The following SEC14L4 variants were observed in gnomAD, a reference collection of about 807,000 sequenced individuals.
SEC14L4 encodes the protein SEC14 like lipid binding 4, also known as SEC14-like protein 4.
A neutral mutation model predicts 55.1 loss-of-function variants in SEC14L4; 42 were observed. The ratio of observed to expected loss-of-function variants is 0.76; its 90% CI spans 0.60 to 0.99. The LOEUF (loss-of-function observed/expected upper bound fraction) is 0.99. Among genes scored for constraint, SEC14L4 ranks in the 50% least tolerant of loss-of-function variants. The pLI is 0.00. For missense variants in SEC14L4, 445 were observed against 512.1 expected, an observed-to-expected ratio of 0.87 and a Z score of 1.27; for synonymous variants, 206 against 206.8, an observed-to-expected ratio of 1.00 and a Z score of 0.03.
At chr22:30,505,518 G>T in intron 1 of SEC14L4, 40 bp downstream of exon 1, 1 of 1,545,540 alleles carries the variant, frequency 6.5e-7, no homozygotes, top group Non-Finnish European at 8.7e-7. Flanking sequence ...AGGCTGCTCA[G>T]GGCCCCTCCT....
chr22:30,499,738 CA>C (rs1164032064), intron 2 of SEC14L4, among the ~76,000 whole-genome samples: 1 of 151,536 alleles, frequency 6.6e-6, no homozygotes, highest in African/African-American at 2.4e-5. Context: ...GATTCTGTCT[CA>C]AAAAAATGAT....
At position 30,491,576 on chromosome 22, in the gene SEC14L4, C is replaced by G; in HGVS notation, c.1078G>C (p.Val360Leu). The change falls in exon 11 of 12, where the codon GTC (valine) becomes CTC (leucine). Residue 360 changes from valine to leucine, a missense_variant. Transcript: ENST00000255858. ...DGSLTCLQAGVYVLRFDNTYS... is the reference protein window; with the variant it reads ...DGSLTCLQAGLYVLRFDNTYS... ...CAGTAAACCCCGCAGCTCTTACAGA[C>G]GCCAGCCTGGAGGCAGGTGAGGCTC... 2 of 1,614,096 alleles carry G rather than the reference C, an allele frequency of 1.2e-6. No individual in the cohort carries two copies. Among genetic ancestry groups the G allele is most frequent in the Non-Finnish European group, 1.7e-6 (2 of 1,180,000 alleles).
Position 30,489,229 on chromosome 22 carries a change from ATT to A in SEC14L4, c.*876_*877del, listed in dbSNP as rs542993172. The stretch of plus-strand genomic sequence containing the variant: ...TCTCCATGTCCAATGTTCTTTCTTT[ATT>A]TGTTTGTTTGTTTGTTTGTTTGTTT... On this transcript the variant is annotated 3_prime_UTR_variant, in exon 12 of 12. Transcript: ENST00000255858. 948 of 151,786 alleles carry A rather than the reference ATT, an allele frequency of 6.2e-3. 7 individuals carry two copies. Among genetic ancestry groups the A allele is most frequent in the Non-Finnish European group, 8.2e-3 (560 of 68,536 alleles). 9.4% of individuals were successfully genotyped at this position (151,786 alleles called of 1,614,324 possible).
intron 7 of SEC14L4, among the ~76,000 whole-genome samples, chr22:30,493,896 A>G (rs1446549704): frequency 6.6e-6 from 1 of 152,048 alleles, no homozygotes; most frequent in East Asian, 1.9e-4. Flanking sequence ...CCCAGCTACT[A>G]GGAAGGCTGA....
rs1186605124 is a variant in SEC14L4, at chr22:30,489,878, T to A, written c.*229A>T. The A allele has an allele frequency of 6.4e-7, 1 of 1,551,634 alleles. No homozygotes were observed. Among genetic ancestry groups the A allele is most frequent in the Non-Finnish European group, 8.7e-7 (1 of 1,147,000 alleles). The stretch of plus-strand genomic sequence containing the variant: ...AGCGTTCTCATTCTCAGCCGCATTC[T>A]CTGGGAACAGGGAAAGAGGTTCCTG... On this transcript the variant is annotated 3_prime_UTR_variant, in exon 12 of 12. Transcript: ENST00000255858.
intron 7 of SEC14L4, among the ~76,000 whole-genome samples, chr22:30,493,321 GCT>G (rs985708644): frequency 1.3e-5 from 2 of 152,270 alleles, no homozygotes; most frequent in Non-Finnish European, 2.9e-5. Flanking sequence ...TGTGGGCCAA[GCT>G]CTGTGCTCCA....
At chr22:30,494,239 G>T in intron 6 of SEC14L4, 29 bp from the exon 7 acceptor site, 2 of 1,591,688 alleles carry the variant, frequency 1.3e-6, no homozygotes, top group Non-Finnish European at 1.7e-6. Context: ...TCTGGTTGGG[G>T]CTCTGTTCCA....
intron 9 of SEC14L4, 23 bp downstream of exon 9, chr22:30,492,026 C>T (rs745348420): frequency 5.6e-6 from 9 of 1,613,590 alleles, no homozygotes; most frequent in Non-Finnish European, 7.6e-6. Context: ...CCCCTCCTTC[C>T]CCATCCTCTG....
chr22:30,495,854 T>A, intron 3 of SEC14L4, 74 bp downstream of exon 3: 1 of 1,591,794 alleles, frequency 6.3e-7, no homozygotes, highest in Non-Finnish European at 8.6e-7. Context: ...AGGGCCAGAG[T>A]CTCTACCCTT....
At chr22:30,498,934 A>AATT (rs375707226) in intron 2 of SEC14L4, among the ~76,000 whole-genome samples, 62 of 151,470 alleles carry the variant, frequency 4.1e-4, no homozygotes, top group African/African-American at 1.2e-3. Flanking sequence ...CACGCTGCAT[A>AATT]ATTATTATTA....
intron 11 of SEC14L4, 143 bp downstream of exon 11, chr22:30,491,430 G>T: frequency 1.2e-6 from 1 of 852,096 alleles, no homozygotes; most frequent in Non-Finnish European, 1.8e-6. Context: ...ACAGGTAGGG[G>T]CCACTCATCT....
Position 30,492,057 on chromosome 22 carries a change from G to A in SEC14L4, c.763C>T (p.Leu255=), listed in dbSNP as rs1935978586. Reference sequence around the variant, plus strand: ...CTCTGGGCACCCTGTACCTTGGTCAGGCACTTGGGGTTGCCATCGGGGTCA... The same window carrying A: ...CTCTGGGCACCCTGTACCTTGGTCAAGCACTTGGGGTTGCCATCGGGGTCA... The part of the protein sequence containing the change: ...MTDPDGNPKC[L]TKINYGGEVP... The change falls in exon 9 of 12, where the codon CTG becomes TTG. Residue 255 remains leucine, a synonymous_variant. Transcript: ENST00000255858. The A allele has an allele frequency of 6.2e-7, 1 of 1,613,748 alleles. No individual in the cohort carries two copies. Among genetic ancestry groups the A allele is most frequent in the African/African-American group, 1.3e-5 (1 of 74,900 alleles).
Position 30,495,307 on chromosome 22 carries a change from G to C in SEC14L4, c.370C>G (p.Arg124Gly), listed in dbSNP as rs9606739. The C allele has an allele frequency of 0.21, 345,130 of 1,612,718 alleles. 39,238 individuals are homozygous for C. Among genetic ancestry groups the C allele is most frequent in the Admixed American group, 0.25 (15,014 of 59,928 alleles). The change falls in exon 5 of 12, where the codon CGC becomes GGC. Residue 124 changes from arginine (R) to glycine (G), a missense_variant. Coordinates refer to ENST00000255858, the MANE Select transcript of SEC14L4 (RefSeq NM_174977.4). ...SASKQDMIRK[R>G]IKVCELLLHE... ...AACAGCAGCTCACAGACTTTGATGCGCTTCCGGATCATATCCTGCTTGGAG... is the reference window on the plus strand; with the variant it reads ...AACAGCAGCTCACAGACTTTGATGCCCTTCCGGATCATATCCTGCTTGGAG...
Position 30,503,741 on chromosome 22 carries a change from G to A in SEC14L4, c.66C>T (p.Asn22=). 1.2e-6 allele frequency: 2 copies of A among 1,612,016 alleles called. No homozygotes were observed. Among genetic ancestry groups the A allele is most frequent in the Non-Finnish European group, 1.7e-6 (2 of 1,178,694 alleles). The change falls in exon 2 of 12, where the codon AAC becomes AAT. Residue 22 remains asparagine (N), a synonymous_variant. Coordinates refer to ENST00000255858, the MANE Select transcript of SEC14L4 (RefSeq NM_174977.4). Reference sequence around the variant, plus strand: ...GCAGTATGGGCAGCAGGTCCTGGAGGTTCTCCCGGAACTGAGCGGAGGAGG... The same window carrying A: ...GCAGTATGGGCAGCAGGTCCTGGAGATTCTCCCGGAACTGAGCGGAGGAGG... ...QQEALARFRE[N]LQDLLPILPN... is the part of the protein sequence containing the mutation.
intron 2 of SEC14L4, among the ~76,000 whole-genome samples, chr22:30,497,204 C>G (rs538385303): frequency 6.6e-6 from 1 of 152,034 alleles, no homozygotes; most frequent in Non-Finnish European, 1.5e-5. Context: ...CTGGGCATGG[C>G]GGCAGGTGCC....
intron 8 of SEC14L4, 99 bp downstream of exon 8, chr22:30,492,375 A>G (rs947285569): frequency 7.3e-6 from 9 of 1,226,542 alleles, no homozygotes; most frequent in Admixed American, 5.6e-5. Flanking sequence ...GGCCAGGGGT[A>G]GTGCCCGAGT....
chr22:30,490,587 C>T (rs572934513), intron 11 of SEC14L4, among the ~76,000 whole-genome samples: 3 of 152,310 alleles, frequency 2.0e-5, no homozygotes, highest in African/African-American at 7.2e-5. Context: ...GAGCTGTGGC[C>T]CACGGACACA....
In SEC14L4 at chr22:30,491,577, G is replaced by C; in HGVS notation, c.1077C>G (p.Gly359=). The part of the protein sequence containing the change: ...EDGSLTCLQA[G]VYVLRFDNTY... Reference sequence around the variant, plus strand: ...AGTAAACCCCGCAGCTCTTACAGACGCCAGCCTGGAGGCAGGTGAGGCTCC... The same window carrying C: ...AGTAAACCCCGCAGCTCTTACAGACCCCAGCCTGGAGGCAGGTGAGGCTCC... Residue 359 remains glycine (G), a synonymous_variant, in exon 11 of 12, where the codon GGC becomes GGG. Transcript: ENST00000255858. 3.7e-6 allele frequency: 6 copies of C among 1,614,096 alleles called. No homozygotes were observed. Among genetic ancestry groups the C allele is most frequent in the Non-Finnish European group, 4.2e-6 (5 of 1,180,000 alleles).
At chr22:30,498,183 G>A (rs138415706) in intron 2 of SEC14L4, among the ~76,000 whole-genome samples, 175 of 139,138 alleles carry the variant, frequency 1.3e-3, no homozygotes, top group Middle Eastern at 4.1e-3. Context: ...AGGCTGGAGT[G>A]CAGATCTCAG....
Sources: gnomAD v4.1 joint callset for allele counts (sites outside exome capture counted in the v4.1 genomes callset) on GRCh38, gnomAD v4.1.1 for gene constraint, MANE v1.5 for transcripts, NCBI Gene and HGNC (gene_info 2026-07-23, HGNC 2026-07-21) for gene names.